Variants in SNAP29 observed in about 807,000 individuals in gnomAD.
The protein encoded by SNAP29 is synaptosomal-associated protein 29.
In SNAP29, 13 loss-of-function variants were observed where a neutral mutation model predicts 27.9. That is an observed-to-expected ratio of 0.47 (90% confidence interval 0.30 to 0.74). The LOEUF is 0.74. SNAP29 is among the 30% of genes least tolerant of loss of function. SNAP29 has a pLI of 0.06. For synonymous variants in SNAP29, 119 were observed against 127.1 expected (o/e 0.94, Z 0.43); for missense variants, 368 against 336.5 (o/e 1.09, Z -0.73).
At chr22:20,860,194 TAA>T (rs397721475) in intron 1 of SNAP29, among the ~76,000 whole-genome samples, 3 of 138,922 alleles carry the variant, frequency 2.2e-5, no homozygotes, top group Admixed American at 7.1e-5. Context: ...CCACTAAAAT[TAA>T]AAAAAAAAAA....
rs1929109755 is a variant in SNAP29, at chr22:20,889,942, T to G, written c.*2106T>G. ...AGCCAGTCACCCGCCCTTCTCTGTT[T>G]TTTGGTTTTTTTTTTCTTAACCCCA... is the stretch of plus-strand genomic sequence containing the variant. On this transcript the variant is annotated 3_prime_UTR_variant, in exon 5 of 5. Coordinates refer to ENST00000215730, the MANE Select transcript of SNAP29 (RefSeq NM_004782.4). The G allele has an allele frequency of 4.2e-6, 1 of 235,890 alleles. No individual in the cohort carries two copies. Among genetic ancestry groups the G allele is most frequent in the East Asian group, 8.0e-5 (1 of 12,450 alleles). The allele number at this position is 235,890 out of a possible 1,614,324, so 14.6% of individuals were successfully genotyped here.
intron 1 of SNAP29, 143 bp downstream of exon 1, chr22:20,859,490 C>A: frequency 1.4e-6 from 1 of 704,642 alleles, no homozygotes. Context: ...ATGGTGGTAA[C>A]AATCTGTTAA....
In SNAP29 at chr22:20,890,304, T is replaced by C. The variant is rs564712017; in HGVS notation, c.*2468T>C. 2 of 398,600 alleles carry C rather than the reference T, an allele frequency of 5.0e-6. No homozygotes were observed. Among genetic ancestry groups the C allele is most frequent in the Non-Finnish European group, 8.8e-6 (2 of 226,078 alleles). 24.7% of individuals were successfully genotyped at this position (398,600 alleles called of 1,614,324 possible). ...TACCCTCTAGACTAGACACATTTCA[T>C]GGAGACAAGCAAAATGGTGCCAGGG... On this transcript the variant is annotated 3_prime_UTR_variant, in exon 5 of 5. Coordinates refer to ENST00000215730, the MANE Select transcript of SNAP29 (RefSeq NM_004782.4).
intron 2 of SNAP29, among the ~76,000 whole-genome samples, chr22:20,878,354 A>C (rs1182523718): frequency 6.6e-6 from 1 of 152,130 alleles, no homozygotes; most frequent in Admixed American, 6.6e-5. Flanking sequence ...ATCCTGGCTA[A>C]CACAGTGAAA....
intron 1 of SNAP29, among the ~76,000 whole-genome samples, chr22:20,861,079 T>C (rs1409476849): frequency 6.6e-6 from 1 of 151,484 alleles, no homozygotes; most frequent in Non-Finnish European, 1.5e-5. Flanking sequence ...TCCCCACCTC[T>C]CTCTGTTCAT....
Position 20,870,510 on chromosome 22 carries a change from C to G in SNAP29, c.411C>G (p.Thr137=). Residue 137 remains threonine (T), a synonymous_variant, in exon 2 of 5, where the codon ACC becomes ACG. Coordinates refer to ENST00000215730, the MANE Select transcript of SNAP29 (RefSeq NM_004782.4). ...PVETPPEQNG[T]LTSQPNNRLK... ...AGACCCCACCTGAACAGAATGGCACCCTCACCTCCCAGCCCAACAACAGGT... is the reference window on the plus strand; with the variant it reads ...AGACCCCACCTGAACAGAATGGCACGCTCACCTCCCAGCCCAACAACAGGT... The G allele has an allele frequency of 6.2e-7, 1 of 1,614,036 alleles. No homozygotes were observed. Among genetic ancestry groups the G allele is most frequent in the Non-Finnish European group, 8.5e-7 (1 of 1,179,998 alleles).
chr22:20,861,690 C>T (rs1928324555), intron 1 of SNAP29, among the ~76,000 whole-genome samples: 1 of 152,020 alleles, frequency 6.6e-6, no homozygotes, highest in African/African-American at 2.4e-5. Context: ...GGCTAGAGTT[C>T]AGTGGCGCGA....
chr22:20,871,625 A>G (rs185799124), intron 2 of SNAP29, among the ~76,000 whole-genome samples: 38 of 152,230 alleles, frequency 2.5e-4, no homozygotes, highest in African/African-American at 8.4e-4. Flanking sequence ...GCTCACGCCT[A>G]TAATCCTAGC....
chr22:20,871,570 C>T (rs1457682852), intron 2 of SNAP29, among the ~76,000 whole-genome samples: 1 of 150,196 alleles, frequency 6.7e-6, no homozygotes, highest in Non-Finnish European at 1.5e-5. Context: ...CAGGTTTTGG[C>T]TCGAAATATA....
chr22:20,871,509 T>G, intron 2 of SNAP29, among the ~76,000 whole-genome samples: 1 of 141,028 alleles, frequency 7.1e-6, no homozygotes, highest in Non-Finnish European at 1.6e-5. Context: ...AAAAAAAGAT[T>G]TAAAGCTAAA....
At chr22:20,885,811 G>C (rs1929000878) in intron 4 of SNAP29, among the ~76,000 whole-genome samples, 1 of 152,202 alleles carries the variant, frequency 6.6e-6, no homozygotes, top group Non-Finnish European at 1.5e-5. Flanking sequence ...TGCTGACACA[G>C]GCCAGGCCGG....
Position 20,881,076 on chromosome 22 carries a change from A to G in SNAP29, c.462A>G (p.Lys154=), listed in dbSNP as rs1448317420. The G allele has an allele frequency of 6.2e-7, 1 of 1,613,024 alleles. No homozygotes were observed. The highest frequency in any genetic ancestry group is 8.5e-7 in the Non-Finnish European group (1 of 1,179,052). ...NRLKEAISTS[K]EQEAKYQASH... is the part of the protein sequence containing the mutation. ...TGAAAGAAGCTATAAGTACAAGTAA[A>G]GAACAGGAAGCAAAGTACCAGGCCA... is the stretch of plus-strand genomic sequence containing the variant. Residue 154 remains lysine, a synonymous_variant, in exon 3 of 5, where the codon AAA becomes AAG. Coordinates refer to ENST00000215730, the MANE Select transcript of SNAP29 (RefSeq NM_004782.4).
chr22:20,884,880 AT>A (rs1252332282), intron 4 of SNAP29, among the ~76,000 whole-genome samples: 7 of 152,142 alleles, frequency 4.6e-5, no homozygotes, highest in African/African-American at 1.7e-4. Flanking sequence ...GGTTCAAGCG[AT>A]TCTCCTGCCT....
intron 1 of SNAP29, among the ~76,000 whole-genome samples, chr22:20,865,394 T>G (rs1364320472): frequency 6.6e-6 from 1 of 152,070 alleles, no homozygotes; most frequent in African/African-American, 2.4e-5. Context: ...CCAGGCCAAT[T>G]TGCTGGCTTG....
intron 2 of SNAP29, among the ~76,000 whole-genome samples, chr22:20,872,522 TC>T (rs1384456883): frequency 6.6e-6 from 1 of 152,114 alleles, no homozygotes; most frequent in Non-Finnish European, 1.5e-5. Flanking sequence ...TGCCTCAGCC[TC>T]CCGAGTAGCT....
intron 2 of SNAP29, among the ~76,000 whole-genome samples, chr22:20,878,148 G>A (rs11704057): frequency 3.9e-5 from 6 of 152,220 alleles, no homozygotes; most frequent in African/African-American, 1.4e-4. Flanking sequence ...GTGCTTGCCA[G>A]TATTGCTTTA....
chr22:20,873,964 CAAAAAAAAAAAAAAAA>C (rs362036), intron 2 of SNAP29, among the ~76,000 whole-genome samples: 2 of 25,970 alleles, frequency 7.7e-5, no homozygotes, highest in Non-Finnish European at 1.3e-4. Context: ...GACTCTGTCT[CAAAAAAAAAAAAAAAA>C]AAAAAAAAAA....
intron 2 of SNAP29, among the ~76,000 whole-genome samples, chr22:20,877,299 G>A (rs542419202): frequency 1.3e-5 from 2 of 152,002 alleles, no homozygotes; most frequent in East Asian, 1.9e-4. Context: ...GCTCACGCCT[G>A]TAATCCCAGC....
intron 1 of SNAP29, among the ~76,000 whole-genome samples, chr22:20,866,263 A>C (rs1044314741): frequency 6.6e-6 from 1 of 152,158 alleles, no homozygotes. Context: ...TTTGTCTCTG[A>C]ATCCACCCCA....
Sources: gnomAD v4.1 joint callset for allele counts (sites outside exome capture counted in the v4.1 genomes callset) on GRCh38, gnomAD v4.1.1 for gene constraint, MANE v1.5 for transcripts, NCBI Gene and HGNC (gene_info 2026-07-23, HGNC 2026-07-21) for gene names.